Variants in KIF2A observed in about 807,000 individuals in gnomAD.
The protein encoded by KIF2A is kinesin-like protein KIF2A.
In KIF2A, 22 loss-of-function variants were observed where a neutral mutation model predicts 100.2. The ratio of observed to expected loss-of-function variants is 0.22; its 90% confidence interval spans 0.16 to 0.31. KIF2A has a LOEUF of 0.31. Ranked by LOEUF, KIF2A falls within the 10% of genes least tolerant of loss-of-function variation. KIF2A has a pLI of 1.00. For missense variants in KIF2A, 495 were observed against 898.7 expected (o/e 0.55, Z 5.74); for synonymous variants, 268 against 285.9 (o/e 0.94, Z 0.63).
Position 62,355,262 on chromosome 5 carries a change from T to A in KIF2A, c.654+8T>A. 7.2e-7 allele frequency: 1 copy of A among 1,389,546 alleles called. No homozygotes were observed. The allele number at this position is 1,389,546 out of a possible 1,614,324, so 86.1% of individuals were successfully genotyped here. A position where few individuals can be genotyped will look rare whatever the true frequency, so the allele number is the denominator to read the frequency against. Reference sequence around the variant, plus strand: ...TTAACAACAGCAGATCCTGTAAGATTCTTTGTAAACCATTATTCTGGAACT... The same window carrying A: ...TTAACAACAGCAGATCCTGTAAGATACTTTGTAAACCATTATTCTGGAACT... On this transcript the variant is annotated splice_region_variant and intron_variant, in intron 7 of 20. Coordinates refer to ENST00000407818, the MANE Select transcript of KIF2A (RefSeq NM_001098511.3).
intron 4 of KIF2A, among the ~76,000 whole-genome samples, chr5:62,351,180 G>A (rs1390915671): frequency 2.0e-5 from 3 of 152,010 alleles, no homozygotes; most frequent in East Asian, 3.9e-4. Context: ...TCAGTGAGCC[G>A]AGATTGTGCC....
intron 20 of KIF2A, among the ~76,000 whole-genome samples, chr5:62,384,952 G>C (rs965665874): frequency 7.2e-5 from 11 of 152,134 alleles, no homozygotes; most frequent in African/African-American, 2.7e-4. Flanking sequence ...AGACCAGCAT[G>C]GCCAACATGG....
At chr5:62,378,422 C>T (rs190667880) in intron 19 of KIF2A, among the ~76,000 whole-genome samples, 3 of 152,258 alleles carry the variant, frequency 2.0e-5, no homozygotes, top group East Asian at 3.9e-4. Flanking sequence ...GCCGCCCCCA[C>T]CCTCCTGTAA....
At chr5:62,328,940 A>G (rs768124302) in intron 1 of KIF2A, among the ~76,000 whole-genome samples, 1 of 152,210 alleles carries the variant, frequency 6.6e-6, no homozygotes, top group Non-Finnish European at 1.5e-5. Flanking sequence ...GTGCAGCTCA[A>G]CAGATCCGAA....
At chr5:62,334,449 C>G (rs1454893349) in intron 1 of KIF2A, among the ~76,000 whole-genome samples, 2 of 151,902 alleles carry the variant, frequency 1.3e-5, no homozygotes, top group East Asian at 3.9e-4. Flanking sequence ...CCCACCATGC[C>G]CTGCCTACTA....
At chr5:62,385,361 A>G in intron 20 of KIF2A, 123 bp from the exon 21 acceptor site, 2 of 650,316 alleles carry the variant, frequency 3.1e-6, no homozygotes, top group East Asian at 2.8e-5. Context: ...AACAAAGAAC[A>G]AAAGGAAAAA....
At chr5:62,350,404 T>C (rs1461251792) in intron 4 of KIF2A, among the ~76,000 whole-genome samples, 1 of 151,864 alleles carries the variant, frequency 6.6e-6, no homozygotes, top group Non-Finnish European at 1.5e-5. Flanking sequence ...CAGCCTCACA[T>C]GTAGCTGGGA....
At chr5:62,349,461 G>A (rs957452517) in intron 3 of KIF2A, among the ~76,000 whole-genome samples, 18 of 151,906 alleles carry the variant, frequency 1.2e-4, no homozygotes, top group Admixed American at 9.8e-4. Flanking sequence ...GTGCATCCAA[G>A]GTTAAGACAG....
chr5:62,313,406 G>A (rs1162182661), intron 1 of KIF2A, among the ~76,000 whole-genome samples: 1 of 152,176 alleles, frequency 6.6e-6, no homozygotes, highest in Non-Finnish European at 1.5e-5. Flanking sequence ...AGGCTGGAGT[G>A]CAGTGGCGTG....
chr5:62,364,033 G>C, intron 14 of KIF2A, 134 bp downstream of exon 14: 1 of 697,040 alleles, frequency 1.4e-6, no homozygotes, highest in Non-Finnish European at 2.4e-6. Flanking sequence ...GTAATGTATA[G>C]TGTGATTTTA....
At chr5:62,318,275 G>C (rs1347900809) in intron 1 of KIF2A, among the ~76,000 whole-genome samples, 1 of 152,148 alleles carries the variant, frequency 6.6e-6, no homozygotes, top group African/African-American at 2.4e-5. Flanking sequence ...TAGAGATGGG[G>C]TTTCACTATG....
At chr5:62,312,744 A>G (rs139222463) in intron 1 of KIF2A, among the ~76,000 whole-genome samples, 172 of 152,346 alleles carry the variant, frequency 1.1e-3, no homozygotes, top group African/African-American at 4.0e-3. Flanking sequence ...ACTATCTCCC[A>G]AGAGTAATAT....
chr5:62,310,621 A>G (rs757914673), intron 1 of KIF2A, among the ~76,000 whole-genome samples: 4 of 151,244 alleles, frequency 2.6e-5, no homozygotes, highest in Admixed American at 6.6e-5. Context: ...TACAGCGTTA[A>G]TTGAAATTGA....
chr5:62,348,631 C>T (rs1747693176), intron 3 of KIF2A, among the ~76,000 whole-genome samples: 1 of 152,172 alleles, frequency 6.6e-6, no homozygotes, highest in South Asian at 2.1e-4. Flanking sequence ...TACCTTAAAA[C>T]TGTGCTAAAT....
chr5:62,347,929 A>G (rs1747659829), intron 2 of KIF2A, 119 bp from the exon 3 acceptor site: 1 of 1,086,162 alleles, frequency 9.2e-7, no homozygotes, highest in Non-Finnish European at 1.3e-6. Context: ...CAGCCGAGTT[A>G]CTGTATTCAT....
At chr5:62,315,688 A>G (rs1468873733) in intron 1 of KIF2A, among the ~76,000 whole-genome samples, 1 of 152,192 alleles carries the variant, frequency 6.6e-6, no homozygotes, top group Non-Finnish European at 1.5e-5. Context: ...AGACCTGGAA[A>G]CAGAGGTAAG....
chr5:62,360,650 C>T (rs1195333123), intron 9 of KIF2A, among the ~76,000 whole-genome samples: 2 of 151,866 alleles, frequency 1.3e-5, no homozygotes, highest in Non-Finnish European at 1.5e-5. Flanking sequence ...GCGCCATTTG[C>T]ACTCCAGCCT....
At chr5:62,327,217 G>C (rs1372379929) in intron 1 of KIF2A, among the ~76,000 whole-genome samples, 1 of 152,104 alleles carries the variant, frequency 6.6e-6, no homozygotes, top group Non-Finnish European at 1.5e-5. Context: ...TTCTCTTAGT[G>C]GTCAAATCCA....
rs759312484 is a variant in KIF2A, at chr5:62,381,100, G to A, written c.2014-18G>A. 8 of 1,596,130 alleles carry A rather than the reference G, an allele frequency of 5.0e-6. No homozygotes were observed. The highest frequency in any genetic ancestry group is 3.4e-5 in the South Asian group (3 of 88,948). On this transcript the variant is annotated intron_variant, in intron 19 of 20. Coordinates refer to ENST00000407818, the MANE Select transcript of KIF2A (RefSeq NM_001098511.3). ...GCACAAAGATGCTTATTGGATTATC[G>A]AATTTTTGTCCTTGTAGGAATCTAT...
Sources: allele counts gnomAD v4.1 joint callset (sites outside exome capture counted in the v4.1 genomes callset), GRCh38; gene constraint gnomAD v4.1.1; transcripts MANE v1.5; gene names NCBI Gene and HGNC (gene_info 2026-07-23, HGNC 2026-07-21).